LIFR: variants seen among roughly 807,000 people sequenced by gnomAD.
LIFR encodes the protein LIF receptor subunit alpha, also known as leukemia inhibitory factor receptor.
Under a neutral mutation model 122.2 loss-of-function variants are expected in LIFR, and 84 were observed. The observed-to-expected ratio is 0.69, with a 90% CI of 0.58 to 0.82. The LOEUF is 0.82. LIFR is among the 40% of genes least tolerant of loss of function. The pLI, the probability that LIFR is intolerant of heterozygous loss-of-function variation, is 0.00. For synonymous variants in LIFR, 422 were observed against 434.7 expected, an observed-to-expected ratio of 0.97 and a Z score of 0.36; for missense variants, 1,294 against 1,311.6, an observed-to-expected ratio of 0.99 and a Z score of 0.21.
chr5:38,529,841 T>C (rs956360915), intron 2 of LIFR, among the ~76,000 whole-genome samples: 2 of 152,182 alleles, frequency 1.3e-5, no homozygotes, highest in African/African-American at 4.8e-5. Flanking sequence ...ACATTAAAAG[T>C]ACTCACATTA....
chr5:38,531,321 ACCT>A (rs1386720873), intron 1 of LIFR, among the ~76,000 whole-genome samples: 3 of 152,204 alleles, frequency 2.0e-5, no homozygotes, highest in African/African-American at 7.2e-5. Context: ...CTTGTGTCAG[ACCT>A]AAAATTGCCT....
intron 1 of LIFR, among the ~76,000 whole-genome samples, chr5:38,576,096 C>T (rs1008981147): frequency 1.4e-4 from 21 of 152,134 alleles, no homozygotes; most frequent in African/African-American, 3.6e-4. Flanking sequence ...TAATCAGCCA[C>T]GTGGCCTGGT....
chr5:38,571,629 G>A (rs541853064), intron 1 of LIFR, among the ~76,000 whole-genome samples: 2 of 151,004 alleles, frequency 1.3e-5, no homozygotes, highest in South Asian at 4.2e-4. Flanking sequence ...AAGATGACAT[G>A]ACATTACCAA....
chr5:38,504,767 C>T (rs1284795982), intron 9 of LIFR, among the ~76,000 whole-genome samples: 1 of 152,172 alleles, frequency 6.6e-6, no homozygotes, highest in African/African-American at 2.4e-5. Context: ...CAAATACTAC[C>T]ATGCAAGGAT....
intron 18 of LIFR, among the ~76,000 whole-genome samples, chr5:38,483,205 T>C (rs1329201791): frequency 6.6e-6 from 1 of 152,204 alleles, no homozygotes; most frequent in African/African-American, 2.4e-5. Flanking sequence ...AAAAAGGCTA[T>C]TAATCTTGAC....
intron 1 of LIFR, among the ~76,000 whole-genome samples, chr5:38,586,591 C>T (rs1233159142): frequency 6.6e-6 from 1 of 152,026 alleles, no homozygotes. Context: ...TTTCCAAGTG[C>T]TAACATGTAG....
In LIFR at chr5:38,592,751, C is replaced by T. The variant is rs888729269; in HGVS notation, c.-20+2510G>A. On this transcript the variant is annotated intron_variant, in intron 1 of 19. Transcript: ENST00000263409. Reference sequence around the variant, plus strand: ...AAACTAATAGTTTAATTAAATTAAACTAATACTTTTAAAACTATTTTTAGT... The same window carrying T: ...AAACTAATAGTTTAATTAAATTAAATTAATACTTTTAAAACTATTTTTAGT... 4.6e-5 allele frequency among the ~76,000 whole-genome samples: 7 copies of T among 151,106 alleles called. No homozygotes were observed. The East Asian group carries it at 1.2e-3, about 25-fold the overall frequency.
chr5:38,602,491 CTCTTT>C (rs767382970), intron 2 of LIFR, among the ~76,000 whole-genome samples: 1 of 151,770 alleles, frequency 6.6e-6, no homozygotes, highest in Admixed American at 6.6e-5. Context: ...TTGAGGCCTT[CTCTTT>C]TCTTTTTTTT....
chr5:38,518,086 C>T (rs566412822), intron 5 of LIFR, among the ~76,000 whole-genome samples: 1 of 151,462 alleles, frequency 6.6e-6, no homozygotes. Context: ...TGTACTCCAG[C>T]CAAGTTGACA....
rs181645110 is a variant in LIFR at position 38,490,894 on chromosome 5, T to C, written c.2066-603A>G. 4.6e-5 allele frequency: 7 copies of C among 152,336 alleles called. No homozygotes were observed. In the East Asian group the frequency reaches 1.2e-3, roughly 25 times the overall value. The allele number at this position is 152,336 out of a possible 1,614,324, so 9.4% of individuals were successfully genotyped here. Reference sequence around the variant, plus strand: ...AACTGCTTGATTTTAATGAACAAAATGTAAGTCTACATCAACTTCCTGGGT... The same window carrying C: ...AACTGCTTGATTTTAATGAACAAAACGTAAGTCTACATCAACTTCCTGGGT... On this transcript the variant is annotated intron_variant, in intron 14 of 19. Coordinates refer to ENST00000453190, the MANE Select transcript of LIFR (RefSeq NM_001127671.2).
At chr5:38,525,258 C>T (rs976406146) in intron 4 of LIFR, among the ~76,000 whole-genome samples, 8 of 152,160 alleles carry the variant, frequency 5.3e-5, no homozygotes, top group Admixed American at 6.5e-5. Flanking sequence ...ATCAGAGAGA[C>T]TTGGACTTTC....
chr5:38,606,053 C>G (rs773784709), intron 2 of LIFR, among the ~76,000 whole-genome samples: 5 of 152,156 alleles, frequency 3.3e-5, no homozygotes. Flanking sequence ...TTGGGGTTCA[C>G]AAGTGTTTGT....
chr5:38,519,612 C>A (rs888016430), intron 5 of LIFR, among the ~76,000 whole-genome samples: 1 of 152,154 alleles, frequency 6.6e-6, no homozygotes, highest in South Asian at 2.1e-4. Context: ...TGCCCCGTCC[C>A]ACCAACACAC....
chr5:38,589,393 C>T (rs1301583261), intron 1 of LIFR, among the ~76,000 whole-genome samples: 1 of 151,888 alleles, frequency 6.6e-6, no homozygotes, highest in Non-Finnish European at 1.5e-5. Flanking sequence ...CTATGAATAT[C>T]AAAGTGAATG....
Position 38,582,058 on chromosome 5 carries a change from C to CTT in LIFR, c.-20+13201_-20+13202dup, listed in dbSNP as rs35430300. ...ACAAATGACCACTTCTTTTTTTTTC[C>CTT]TTTTTTTTTTTTCTTTTTTTAGAGA... On this transcript the variant is annotated intron_variant, in intron 1 of 19. Transcript: ENST00000263409. Among the ~76,000 whole-genome samples the CTT allele has an allele frequency of 7.6e-4, 110 of 145,252 alleles. 1 individual carries two copies. The highest frequency in any genetic ancestry group is 1.0e-3 in the Non-Finnish European group (67 of 66,348).
intron 3 of LIFR, among the ~76,000 whole-genome samples, chr5:38,527,905 T>C (rs1242691720): frequency 6.6e-6 from 1 of 152,214 alleles, no homozygotes. Flanking sequence ...CTTATACAAA[T>C]GTTTACTTTA....
chr5:38,550,259 A>G (rs1416462376), intron 1 of LIFR: 4 of 971,740 alleles, frequency 4.1e-6, no homozygotes, highest in Non-Finnish European at 4.9e-6. Flanking sequence ...ATATGGCCAT[A>G]AATTTTTAAA....
At chr5:38,520,272 A>T (rs958788594) in intron 5 of LIFR, among the ~76,000 whole-genome samples, 1 of 152,116 alleles carries the variant, frequency 6.6e-6, no homozygotes, top group Non-Finnish European at 1.5e-5. Flanking sequence ...TTCTTTTGAG[A>T]AATGTCTATT....
chr5:38,545,871 GAAAAAAA>G (rs371497950), intron 1 of LIFR, among the ~76,000 whole-genome samples: 5 of 87,764 alleles, frequency 5.7e-5, no homozygotes, highest in Admixed American at 1.4e-4. Context: ...CAAAAAAAAA[GAAAAAAA>G]AAAAAAAAAG....
Sources: allele counts gnomAD v4.1 joint callset (sites outside exome capture counted in the v4.1 genomes callset), GRCh38; gene constraint gnomAD v4.1.1; transcripts MANE v1.5; gene names NCBI Gene and HGNC (gene_info 2026-07-23, HGNC 2026-07-21).